Variants in AKT3 observed in about 807,000 individuals in gnomAD.
The protein encoded by AKT3 is AKT serine/threonine kinase 3, also known as RAC-gamma serine/threonine-protein kinase.
In AKT3, 15 loss-of-function variants were observed where a neutral mutation model predicts 65.3. The ratio of observed to expected loss-of-function variants is 0.23; its 90% confidence interval spans 0.15 to 0.35. The LOEUF (loss-of-function observed/expected upper bound fraction) is 0.35. Ranked by LOEUF, AKT3 falls within the 10% of genes least tolerant of loss-of-function variation. The probability of loss-of-function intolerance (pLI) is 1.00; values close to 1 mark genes in which losing one functional copy is unlikely to be tolerated. For missense variants in AKT3, 243 were observed against 576.5 expected (o/e 0.42, Z 5.92); for synonymous variants, 206 against 183.8 (o/e 1.12, Z -0.98).
At chr1:243,737,265 C>T (rs759030989) in intron 2 of AKT3, among the ~76,000 whole-genome samples, 5 of 152,162 alleles carry the variant, frequency 3.3e-5, no homozygotes, top group Admixed American at 1.3e-4. Context: ...GGGGTGATAG[C>T]GCTTTCCTCA....
chr1:243,517,054 T>C (rs1436156435), intron 12 of AKT3, among the ~76,000 whole-genome samples: 4 of 152,228 alleles, frequency 2.6e-5, no homozygotes, highest in Admixed American at 2.0e-4. Context: ...TTTCAGTCCA[T>C]TCAAAATACT....
At chr1:243,514,007 TTTTG>T (rs1278747326) in intron 12 of AKT3, among the ~76,000 whole-genome samples, 3 of 152,092 alleles carry the variant, frequency 2.0e-5, no homozygotes, top group Non-Finnish European at 4.4e-5. Context: ...GCTGGAACAA[TTTTG>T]TTTTTTTTAT....
chr1:243,781,016 T>TA (rs1200711347), intron 2 of AKT3, among the ~76,000 whole-genome samples: 1 of 152,118 alleles, frequency 6.6e-6, no homozygotes, highest in Non-Finnish European at 1.5e-5. Context: ...TAATTCTTTT[T>TA]AAAAAATCCA....
At chr1:243,747,791 G>C (rs1468941921) in intron 2 of AKT3, among the ~76,000 whole-genome samples, 1 of 152,164 alleles carries the variant, frequency 6.6e-6, no homozygotes, top group Non-Finnish European at 1.5e-5. Context: ...AGGGATAAAT[G>C]TAAGACAGTT....
At chr1:243,532,153 A>G (rs1236134876) in intron 12 of AKT3, among the ~76,000 whole-genome samples, 1 of 152,214 alleles carries the variant, frequency 6.6e-6, no homozygotes, top group African/African-American at 2.4e-5. Flanking sequence ...TCACGTTAAC[A>G]GAAATGTTGA....
intron 12 of AKT3, among the ~76,000 whole-genome samples, chr1:243,528,015 T>C (rs1339609740): frequency 1.3e-5 from 2 of 152,022 alleles, no homozygotes; most frequent in African/African-American, 2.4e-5. Flanking sequence ...ACCATAACTT[T>C]CTGCCTAAAT....
chr1:243,738,665 G>C (rs949102451), intron 2 of AKT3, among the ~76,000 whole-genome samples: 1 of 152,078 alleles, frequency 6.6e-6, no homozygotes, highest in African/African-American at 2.4e-5. Context: ...CGTTGAGGAT[G>C]AACAGATAAT....
chr1:243,657,613 C>A (rs763558020), intron 4 of AKT3, among the ~76,000 whole-genome samples: 1 of 151,958 alleles, frequency 6.6e-6, no homozygotes, highest in African/African-American at 2.4e-5. Flanking sequence ...CAAAATCCTA[C>A]AGCATTTTTG....
chr1:243,575,259 C>T (rs1222733066), intron 8 of AKT3, among the ~76,000 whole-genome samples: 1 of 152,176 alleles, frequency 6.6e-6, no homozygotes, highest in Non-Finnish European at 1.5e-5. Context: ...AACTCTCTGG[C>T]TAATCCTTCT....
At chr1:243,782,801 C>A (rs544950640) in intron 2 of AKT3, among the ~76,000 whole-genome samples, 2 of 152,134 alleles carry the variant, frequency 1.3e-5, no homozygotes, top group East Asian at 1.9e-4. Flanking sequence ...CACATACACA[C>A]CCCATTCTGG....
intron 8 of AKT3, among the ~76,000 whole-genome samples, chr1:243,599,446 G>A (rs924927723): frequency 1.3e-5 from 2 of 152,072 alleles, no homozygotes; most frequent in African/African-American, 4.8e-5. Flanking sequence ...AAGACAGAAG[G>A]CAGGGAAACA....
At chr1:243,676,133 A>G (rs1683492878) in intron 3 of AKT3, among the ~76,000 whole-genome samples, 1 of 152,214 alleles carries the variant, frequency 6.6e-6, no homozygotes, top group South Asian at 2.1e-4. Context: ...ATGAAGAAAA[A>G]TAAGGCAGGT....
intron 1 of AKT3, among the ~76,000 whole-genome samples, chr1:243,845,947 C>T (rs938183747): frequency 2.6e-5 from 4 of 152,166 alleles, no homozygotes; most frequent in South Asian, 2.1e-4. Context: ...CCTCAGTTTC[C>T]GGAGCCATAA....
At chr1:243,753,542 AC>A (rs2148216927) in intron 2 of AKT3, among the ~76,000 whole-genome samples, 1 of 152,282 alleles carries the variant, frequency 6.6e-6, no homozygotes, top group Non-Finnish European at 1.5e-5. Context: ...TCAATAAAAA[AC>A]TTCTAGAATT....
chr1:243,824,749 A>G (rs1281685293), intron 2 of AKT3, among the ~76,000 whole-genome samples: 1 of 152,224 alleles, frequency 6.6e-6, no homozygotes, highest in Non-Finnish European at 1.5e-5. Context: ...AAATGTCAAG[A>G]AACAACAGAT....
At chr1:243,773,304 G>C (rs1395379180) in intron 2 of AKT3, among the ~76,000 whole-genome samples, 1 of 151,652 alleles carries the variant, frequency 6.6e-6, no homozygotes, top group African/African-American at 2.4e-5. Context: ...ATATTGTCAT[G>C]TTCACCGAGT....
intron 2 of AKT3, among the ~76,000 whole-genome samples, chr1:243,837,096 AG>A (rs1206493573): frequency 6.6e-6 from 1 of 152,020 alleles, no homozygotes; most frequent in Non-Finnish European, 1.5e-5. Context: ...CCAAGGTGGG[AG>A]GATCACTTGT....
At chr1:243,806,247 T>TG (rs1692719491) in intron 2 of AKT3, among the ~76,000 whole-genome samples, 1 of 152,224 alleles carries the variant, frequency 6.6e-6, no homozygotes, top group African/African-American at 2.4e-5. Context: ...TAGGTTGCTA[T>TG]GTTTTTCATC....
At chr1:243,555,573 A>AT (rs1005324814) in intron 10 of AKT3, among the ~76,000 whole-genome samples, 1 of 152,084 alleles carries the variant, frequency 6.6e-6, no homozygotes. Context: ...TAAAATTTAC[A>AT]TTTTTTTAAC....
Sources: allele counts gnomAD v4.1 joint callset (sites outside exome capture counted in the v4.1 genomes callset), GRCh38; gene constraint gnomAD v4.1.1; transcripts MANE v1.5; gene names NCBI Gene and HGNC (gene_info 2026-07-23, HGNC 2026-07-21).